The following ALK variants were observed in gnomAD, a reference collection of about 807,000 sequenced individuals.
ALK encodes the protein ALK tyrosine kinase receptor.
Under a neutral mutation model 163.1 loss-of-function variants are expected in ALK, and 74 were observed. That is an observed-to-expected ratio of 0.45 (90% CI 0.38 to 0.55). The LOEUF is 0.55. Ranked by LOEUF, ALK falls within the 20% of genes least tolerant of loss-of-function variation. The pLI is 0.00. For synonymous variants in ALK, 960 were observed against 843.2 expected (o/e 1.14, Z -2.40); for missense variants, 2,063 against 2,105.3 (o/e 0.98, Z 0.39).
chr2:29,678,026 C>G (rs907127492), intron 3 of ALK, among the ~76,000 whole-genome samples: 31 of 151,992 alleles, frequency 2.0e-4, no homozygotes, highest in African/African-American at 7.2e-4. Flanking sequence ...TTGTGTGTCT[C>G]TAGAAATCTG....
chr2:29,724,615 T>C (rs981172483), intron 1 of ALK, among the ~76,000 whole-genome samples: 3 of 152,228 alleles, frequency 2.0e-5, no homozygotes, highest in Non-Finnish European at 4.4e-5. Context: ...GGAGAGAGTT[T>C]GCAGATGCAC....
intron 1 of ALK, among the ~76,000 whole-genome samples, chr2:29,888,246 G>GTTTTTT (rs371816657): frequency 3.2e-5 from 1 of 31,592 alleles, no homozygotes; most frequent in Non-Finnish European, 7.5e-5. Context: ...CCAATAAATT[G>GTTTTTT]TTTTTTTTTT....
At chr2:29,457,671 C>T (rs1430538534) in intron 4 of ALK, among the ~76,000 whole-genome samples, 2 of 152,106 alleles carry the variant, frequency 1.3e-5, no homozygotes, top group Non-Finnish European at 2.9e-5. Flanking sequence ...GTTTTCAAAC[C>T]TGTCACATCT....
At chr2:29,892,742 C>T (rs1251044702) in intron 1 of ALK, among the ~76,000 whole-genome samples, 5 of 152,204 alleles carry the variant, frequency 3.3e-5, no homozygotes, top group East Asian at 3.8e-4. Flanking sequence ...ACTGACTCTA[C>T]GCACATTAAT....
At chr2:29,444,841 G>T (rs1670632399) in intron 4 of ALK, among the ~76,000 whole-genome samples, 1 of 152,044 alleles carries the variant, frequency 6.6e-6, no homozygotes, top group African/African-American at 2.4e-5. Context: ...GCATCCTAGG[G>T]CTGCTGGTTA....
At chr2:29,606,963 C>T (rs762055671) in intron 3 of ALK, among the ~76,000 whole-genome samples, 2 of 152,230 alleles carry the variant, frequency 1.3e-5, no homozygotes. Flanking sequence ...TCCAAGAAGT[C>T]TTGCAGCCAT....
chr2:29,193,251 C>T lies in ALK; in HGVS notation c.4836G>A (p.Lys1612=), dbSNP rs78174819. 8.3e-4 allele frequency: 1,340 copies of T among 1,614,136 alleles called. 2 individuals carry two copies. In the African/African-American group the frequency reaches 0.012, roughly 15 times the overall value. The change falls in exon 29 of 29, where the codon AAG becomes AAA. Residue 1612 remains lysine, a synonymous_variant. Transcript: ENST00000389048. ...AGGGCCCAGGCTGGTTCATGCTATT[C>T]TTGCTTTTCAGAATGGTATCCTCGT... is the stretch of plus-strand genomic sequence containing the variant. ...GHYEDTILKS[K]NSMNQPGP
intron 5 of ALK, among the ~76,000 whole-genome samples, chr2:29,334,334 C>T (rs186154814): frequency 6.6e-6 from 1 of 152,262 alleles, no homozygotes; most frequent in African/African-American, 2.4e-5. Context: ...CTAAATTCTC[C>T]CTATTTGGGA....
At chr2:29,350,693 T>G (rs1036438936) in intron 5 of ALK, among the ~76,000 whole-genome samples, 11 of 152,254 alleles carry the variant, frequency 7.2e-5, no homozygotes, top group African/African-American at 2.7e-4. Flanking sequence ...AGGCAGTCAC[T>G]GAGCAAGTCC....
intron 3 of ALK, among the ~76,000 whole-genome samples, chr2:29,613,092 G>A (rs1027774802): frequency 1.4e-4 from 22 of 152,140 alleles, no homozygotes; most frequent in African/African-American, 5.1e-4. Flanking sequence ...ATGAATTCTA[G>A]TCCTATTTAC....
chr2:29,316,746 T>G (rs1473251978), intron 8 of ALK, among the ~76,000 whole-genome samples: 2 of 152,232 alleles, frequency 1.3e-5, no homozygotes, highest in East Asian at 3.8e-4. Context: ...CTGCATGAGA[T>G]AGCATGGTTT....
At chr2:29,532,942 C>T (rs552129848) in intron 3 of ALK, among the ~76,000 whole-genome samples, 69 of 152,346 alleles carry the variant, frequency 4.5e-4, no homozygotes, top group African/African-American at 1.3e-3. Context: ...TCTTAAACTA[C>T]TCCTGGCACT....
intron 1 of ALK, among the ~76,000 whole-genome samples, chr2:29,751,870 A>G (rs13396794): frequency 0.063 from 9,559 of 152,294 alleles, 784 homozygotes; most frequent in African/African-American, 0.19. Context: ...GAAAATATAC[A>G]TAAACCCTAG....
At chr2:29,795,880 T>A (rs1462510590) in intron 1 of ALK, among the ~76,000 whole-genome samples, 1 of 152,186 alleles carries the variant, frequency 6.6e-6, no homozygotes, top group Non-Finnish European at 1.5e-5. Flanking sequence ...ATGACATTTT[T>A]ATAAAAAGGA....
intron 1 of ALK, among the ~76,000 whole-genome samples, chr2:29,787,939 T>C (rs1286239082): frequency 6.6e-6 from 1 of 152,200 alleles, no homozygotes; most frequent in East Asian, 1.9e-4. Context: ...AGTGTTAGTA[T>C]ATGGAAATAT....
chr2:29,309,023 C>T (rs990442480), intron 8 of ALK, among the ~76,000 whole-genome samples: 1 of 151,994 alleles, frequency 6.6e-6, no homozygotes, highest in Admixed American at 6.6e-5. Flanking sequence ...CCTGGGCAAA[C>T]GGCCTCCTCT....
At chr2:29,425,647 G>GT (rs1670118578) in intron 4 of ALK, among the ~76,000 whole-genome samples, 5 of 152,194 alleles carry the variant, frequency 3.3e-5, no homozygotes, top group African/African-American at 1.2e-4. Flanking sequence ...GTCACTCTAA[G>GT]AAAAGTGGGC....
intron 1 of ALK, among the ~76,000 whole-genome samples, chr2:29,803,468 G>A (rs768386130): frequency 2.6e-4 from 40 of 152,190 alleles, no homozygotes; most frequent in Non-Finnish European, 8.8e-5. Context: ...CACGCTTGGG[G>A]TATTCTTCAC....
chr2:29,851,950 G>C (rs1273391009), intron 1 of ALK, among the ~76,000 whole-genome samples: 1 of 152,210 alleles, frequency 6.6e-6, no homozygotes, highest in African/African-American at 2.4e-5. Context: ...GCAGCAGTAA[G>C]TAGTAGAATG....
Sources: allele counts gnomAD v4.1 joint callset (sites outside exome capture counted in the v4.1 genomes callset), GRCh38; gene constraint gnomAD v4.1.1; transcripts MANE v1.5; gene names NCBI Gene and HGNC (gene_info 2026-07-23, HGNC 2026-07-21).